Variants in NBEA observed in about 807,000 individuals in gnomAD.
NBEA encodes lysosomal-trafficking regulator 2.
NBEA carries 44 observed loss-of-function variants against 343.4 expected under a neutral mutation model. The ratio of observed to expected loss-of-function variants is 0.13; its 90% CI spans 0.10 to 0.16. The LOEUF (loss-of-function observed/expected upper bound fraction) is 0.16. Among genes scored for constraint, NBEA ranks in the 10% least tolerant of loss-of-function variants. The pLI, the probability that NBEA is intolerant of heterozygous loss-of-function variation, is 1.00. For missense variants in NBEA, 2,555 were observed against 3,631.3 expected, an observed-to-expected ratio of 0.70 and a Z score of 7.62; for synonymous variants, 1,175 against 1,238.7, an observed-to-expected ratio of 0.95 and a Z score of 1.08.
intron 10 of NBEA, among the ~76,000 whole-genome samples, chr13:35,087,447 CT>C (rs1341882949): frequency 6.6e-6 from 1 of 151,868 alleles, no homozygotes; most frequent in African/African-American, 2.4e-5. Flanking sequence ...GGGATTACAG[CT>C]TTGGCTGAAG....
intron 41 of NBEA, chr13:35,476,169 A>C (rs764314632): frequency 1.2e-6 from 2 of 1,612,090 alleles, no homozygotes; most frequent in Admixed American, 1.7e-5. Context: ...TGTACACCGG[A>C]GTCTCGCAGT....
intron 41 of NBEA, among the ~76,000 whole-genome samples, chr13:35,525,488 G>A (rs1594882277): frequency 6.6e-6 from 1 of 152,192 alleles, no homozygotes; most frequent in East Asian, 1.9e-4. Flanking sequence ...AGAAGGCAGA[G>A]GTTGCAGGAA....
At chr13:35,283,262 A>G (rs1348105335) in intron 34 of NBEA, among the ~76,000 whole-genome samples, 1 of 152,178 alleles carries the variant, frequency 6.6e-6, no homozygotes, top group Non-Finnish European at 1.5e-5. Context: ...CTGTATCAAC[A>G]CAATGACAAA....
At chr13:34,973,862 C>A (rs978196037) in intron 1 of NBEA, among the ~76,000 whole-genome samples, 1 of 152,154 alleles carries the variant, frequency 6.6e-6, no homozygotes, top group East Asian at 1.9e-4. Context: ...CAACCTCCTG[C>A]GTTGCTGGAG....
chr13:34,999,991 A>T (rs1259256593), intron 1 of NBEA, among the ~76,000 whole-genome samples: 1 of 152,122 alleles, frequency 6.6e-6, no homozygotes, highest in Non-Finnish European at 1.5e-5. Flanking sequence ...GTCTGTCTAC[A>T]TACCTTTATA....
chr13:35,356,005 A>T (rs1008879298), intron 38 of NBEA, among the ~76,000 whole-genome samples: 2 of 151,908 alleles, frequency 1.3e-5, no homozygotes, highest in African/African-American at 4.8e-5. Context: ...AATGTAATAG[A>T]TTCTTTGCTC....
chr13:35,237,094 G>A (rs2075274512), intron 34 of NBEA, among the ~76,000 whole-genome samples: 1 of 151,746 alleles, frequency 6.6e-6, no homozygotes, highest in Admixed American at 6.6e-5. Flanking sequence ...CCTGTCCCTA[G>A]AAAAAATAAA....
In NBEA at chr13:35,173,545, G is replaced by A; in HGVS notation, c.4505G>A (p.Ser1502Asn). 6.2e-7 allele frequency: 1 copy of A among 1,612,236 alleles called. No homozygotes were observed. Among genetic ancestry groups the A allele is most frequent in the Non-Finnish European group, 8.5e-7 (1 of 1,178,814 alleles). ...DRGNKSSHGSSKPQEVPQSVT... is the reference protein window; with the variant it reads ...DRGNKSSHGSNKPQEVPQSVT... ...GGAAATAAATCTTCCCATGGAAGCA[G>A]TAAACCTCAGGAAGTTCCTCAAAGT... Residue 1502 changes from serine (S) to asparagine (N), a missense_variant, in exon 27 of 59, where the codon AGT (serine) becomes AAT (asparagine). Coordinates refer to ENST00000379939, the MANE Select transcript of NBEA (RefSeq NM_001385012.1).
chr13:35,003,094 T>G (rs545885556), intron 1 of NBEA, among the ~76,000 whole-genome samples: 1 of 151,822 alleles, frequency 6.6e-6, no homozygotes, highest in South Asian at 2.1e-4. Flanking sequence ...AAGAAGAAAA[T>G]TATGCATAGA....
In NBEA at chr13:35,048,544, T is replaced by A. The variant is rs772747444; in HGVS notation, c.724-19T>A. The A allele has an allele frequency of 5.6e-6, 9 of 1,597,722 alleles. No individual in the cohort carries two copies. In the South Asian group the frequency reaches 7.9e-5, roughly 14 times the overall value. On this transcript the variant is annotated intron_variant, in intron 4 of 58. Coordinates refer to ENST00000379939, the MANE Select transcript of NBEA (RefSeq NM_001385012.1). ...TTTCTTTAACTGATACTTTCGTACC[T>A]TTTCTCATTGCCTTGTAGGCAATTG...
intron 1 of NBEA, among the ~76,000 whole-genome samples, chr13:35,008,357 A>G (rs2061380090): frequency 6.6e-6 from 1 of 152,192 alleles, no homozygotes; most frequent in African/African-American, 2.4e-5. Flanking sequence ...CTTAATATTT[A>G]CATATAACCT....
At chr13:35,117,941 G>A (rs980054826) in intron 14 of NBEA, among the ~76,000 whole-genome samples, 3 of 151,960 alleles carry the variant, frequency 2.0e-5, no homozygotes, top group Non-Finnish European at 4.4e-5. Context: ...AAGAGTAAGT[G>A]ATTAGAAAAT....
chr13:35,308,462 A>ATG (rs1555361037), intron 35 of NBEA, among the ~76,000 whole-genome samples: 14 of 110,180 alleles, frequency 1.3e-4, no homozygotes, highest in African/African-American at 4.4e-4. Context: ...ATATATATAT[A>ATG]TATATATATA....
intron 45 of NBEA, among the ~76,000 whole-genome samples, chr13:35,576,898 T>G (rs2153033608): frequency 1.3e-5 from 2 of 152,332 alleles, no homozygotes; most frequent in East Asian, 3.9e-4. Context: ...TTAACAATTG[T>G]GAGTGTACTT....
intron 45 of NBEA, among the ~76,000 whole-genome samples, chr13:35,574,906 C>A (rs79367594): frequency 0.15 from 22,052 of 151,896 alleles, 1,748 homozygotes; most frequent in East Asian, 0.28. Flanking sequence ...TGCACCACCA[C>A]GCCTGGCTAA....
intron 31 of NBEA, among the ~76,000 whole-genome samples, chr13:35,201,253 C>G (rs1333607779): frequency 6.6e-6 from 1 of 151,976 alleles, no homozygotes; most frequent in African/African-American, 2.4e-5. Flanking sequence ...TTTGTGTCTC[C>G]TGGCATTTAT....
intron 49 of NBEA, among the ~76,000 whole-genome samples, chr13:35,638,928 G>A (rs560519369): frequency 3.9e-5 from 6 of 152,324 alleles, no homozygotes; most frequent in Admixed American, 2.0e-4. Flanking sequence ...ACAGGGATCA[G>A]CAAGAGGATA....
intron 36 of NBEA, among the ~76,000 whole-genome samples, chr13:35,341,088 T>G (rs1464398815): frequency 1.3e-5 from 2 of 152,064 alleles, no homozygotes; most frequent in Non-Finnish European, 2.9e-5. Context: ...GAAACCCATA[T>G]ACTTATGGTC....
intron 38 of NBEA, among the ~76,000 whole-genome samples, chr13:35,419,780 G>C (rs1284772561): frequency 6.6e-6 from 1 of 151,868 alleles, no homozygotes; most frequent in East Asian, 1.9e-4. Context: ...AAAGCTCTGA[G>C]ATAGATATCA....
Sources: allele counts gnomAD v4.1 joint callset (sites outside exome capture counted in the v4.1 genomes callset), GRCh38; gene constraint gnomAD v4.1.1; transcripts MANE v1.5; gene names NCBI Gene and HGNC (gene_info 2026-07-23, HGNC 2026-07-21).